The following RDH13 variants were observed in gnomAD, a reference collection of about 807,000 sequenced individuals.
RDH13 encodes retinol dehydrogenase 13 (all-trans and 9-cis).
In RDH13, 35 loss-of-function variants were observed where a neutral mutation model predicts 28.3. That is an observed-to-expected ratio of 1.24 (90% CI 0.95 to 1.64). The LOEUF is 1.64. Among genes scored for constraint, RDH13 ranks in the 40% most tolerant of loss-of-function variants. RDH13 has a pLI of 0.00. For missense variants in RDH13, 514 were observed against 446.3 expected, an observed-to-expected ratio of 1.15 and a Z score of -1.37; for synonymous variants, 229 against 198.5, an observed-to-expected ratio of 1.15 and a Z score of -1.29.
intron 5 of RDH13, chr19:55,047,934 T>A: frequency 1.4e-6 from 1 of 713,600 alleles, no homozygotes. Flanking sequence ...TGAGAGCATC[T>A]GGGCCTTTAC....
At chr19:55,058,159 C>G (rs531103459) in intron 2 of RDH13, among the ~76,000 whole-genome samples, 10 of 152,024 alleles carry the variant, frequency 6.6e-5, no homozygotes, top group South Asian at 6.2e-4. Context: ...CACCTGTAAT[C>G]CCAGCACTTT....
At chr19:55,056,985 C>T (rs1178036932) in intron 2 of RDH13, among the ~76,000 whole-genome samples, 177 bp from the exon 3 acceptor site, 1 of 152,084 alleles carries the variant, frequency 6.6e-6, no homozygotes, top group East Asian at 1.9e-4. Flanking sequence ...GAAGGGACAA[C>T]AAAATGTGGT....
chr19:55,063,300 G>A, upstream of RDH13: 1 of 383,460 alleles, frequency 2.6e-6, no homozygotes, highest in Non-Finnish European at 4.6e-6. Context: ...GGCGTGGCTA[G>A]TCCGGGGGCG....
In RDH13 at chr19:55,056,828, A is replaced by G; in HGVS notation, c.185-20T>C. On this transcript the variant is annotated intron_variant, in intron 2 of 6. Transcript: ENST00000415061. Reference sequence around the variant, plus strand: ...TGCCTCCTGAAAACCCAGGATGGAAAAAGATTTAAATTAATAATCCACTCC... The same window carrying G: ...TGCCTCCTGAAAACCCAGGATGGAAGAAGATTTAAATTAATAATCCACTCC... 1.2e-6 allele frequency: 2 copies of G among 1,604,068 alleles called. No individual in the cohort carries two copies. Among genetic ancestry groups the G allele is most frequent in the South Asian group, 1.1e-5 (1 of 90,052 alleles).
Position 55,048,603 on chromosome 19 carries a change from A to T in RDH13, c.445+56T>A, listed in dbSNP as rs2075321351. The stretch of plus-strand genomic sequence containing the variant: ...ACACCTAAAATCCCAGCACTTTGGG[A>T]GGACGACGGGGGAGGATCGCTTGAA... On this transcript the variant is annotated intron_variant, in intron 4 of 6. Transcript: ENST00000415061. 3.8e-5 allele frequency: 61 copies of T among 1,610,770 alleles called. No homozygotes were observed. The South Asian group carries it at 6.4e-4, about 17-fold the overall frequency.
At chr19:55,052,566 C>G in intron 3 of RDH13, among the ~76,000 whole-genome samples, 1 of 151,082 alleles carries the variant, frequency 6.6e-6, no homozygotes. Flanking sequence ...AAAAATCCCT[C>G]ACTGCAGCCT....
At chr19:55,069,085 C>T (rs971702786) in intron 1 of RDH13, among the ~76,000 whole-genome samples, 4 of 147,344 alleles carry the variant, frequency 2.7e-5, no homozygotes, top group East Asian at 4.1e-4. Context: ...CCCCCCGCCC[C>T]GACCCATCCC....
upstream of RDH13, among the ~76,000 whole-genome samples, chr19:55,065,227 A>G (rs1262438810): frequency 6.6e-6 from 1 of 151,320 alleles, no homozygotes; most frequent in Non-Finnish European, 1.5e-5. Flanking sequence ...TCTACAAAAA[A>G]TACAAAAATT....
chr19:55,058,216 A>G (rs903413665), intron 2 of RDH13, among the ~76,000 whole-genome samples: 11 of 152,044 alleles, frequency 7.2e-5, no homozygotes, highest in Middle Eastern at 3.4e-3. Flanking sequence ...GTTCAAGACC[A>G]GCCTGGCCAA....
intron 1 of RDH13, among the ~76,000 whole-genome samples, chr19:55,062,276 G>C (rs1019584554): frequency 6.6e-6 from 1 of 152,200 alleles, no homozygotes; most frequent in Non-Finnish European, 1.5e-5. Context: ...CTGGCAACAA[G>C]ATAGTGTCCA....
chr19:55,051,804 C>G (rs2075448034), intron 3 of RDH13, among the ~76,000 whole-genome samples: 1 of 151,678 alleles, frequency 6.6e-6, no homozygotes, highest in Admixed American at 6.6e-5. Flanking sequence ...GCGATCTCAG[C>G]TCACAGCAAC....
intron 1 of RDH13, chr19:55,069,305 G>A (rs963151872): frequency 2.7e-5 from 4 of 148,514 alleles, no homozygotes; most frequent in Admixed American, 2.0e-4. Flanking sequence ...TCAGAGGAAC[G>A]CCCAGGAAAA....
At chr19:55,063,455 C>T (rs11669039), upstream of RDH13, 19,422 of 195,138 alleles carry the variant, frequency 0.1, 1,126 homozygotes, top group Non-Finnish European at 0.13. Flanking sequence ...TCAGCCTATT[C>T]CCTCATCTGG....
Position 55,048,772 on chromosome 19 carries a change from G to C in RDH13, c.341-9C>G, listed in dbSNP as rs1370020331. The C allele has an allele frequency of 3.7e-6, 6 of 1,611,314 alleles. No homozygotes were observed. Among genetic ancestry groups the C allele is most frequent in the Middle Eastern group, 1.6e-4 (1 of 6,080 alleles). On this transcript the variant is annotated splice_polypyrimidine_tract_variant and intron_variant, in intron 3 of 6. Transcript: ENST00000415061. ...GTCCACTCGCTCCTCCTCTGGAAGA[G>C]AGGGGTGGAGGAGGAGACATCCCGG...
intron 1 of RDH13, among the ~76,000 whole-genome samples, chr19:55,061,856 G>A (rs1347286501): frequency 1.3e-5 from 2 of 149,828 alleles, no homozygotes; most frequent in African/African-American, 4.9e-5. Flanking sequence ...GGTGGCTCAC[G>A]CCTGTAACCC....
In RDH13 at chr19:55,057,811, TTA is replaced by T. The variant is rs1343307817; in HGVS notation, c.185-1005_185-1004del. On this transcript the variant is annotated intron_variant, in intron 2 of 6. Transcript: ENST00000415061. ...AACCCCCTTTTCTTTTTGTTTATTA[TTA>T]TTTTTTTTTTTTTGAGTCAGTCTCA... is the stretch of plus-strand genomic sequence containing the variant. Among the ~76,000 whole-genome samples the T allele has an allele frequency of 7.4e-5, 6 of 80,788 alleles. No homozygotes were observed. The East Asian group carries it at 1.6e-3, about 22-fold the overall frequency. 53.0% of individuals were successfully genotyped at this position (80,788 alleles called of 152,430 possible). A position where few individuals can be genotyped will look rare whatever the true frequency, so the allele number is the denominator to read the frequency against.
chr19:55,051,715 A>T (rs1602738961), intron 3 of RDH13, among the ~76,000 whole-genome samples: 1 of 146,522 alleles, frequency 6.8e-6, no homozygotes, highest in Non-Finnish European at 1.5e-5. Flanking sequence ...GGTGTGAGCC[A>T]CCGCGCCCAG....
chr19:55,050,489 T>C (rs2075393112), intron 3 of RDH13, among the ~76,000 whole-genome samples: 1 of 152,046 alleles, frequency 6.6e-6, no homozygotes, highest in African/African-American at 2.4e-5. Flanking sequence ...AGTGGCGCAA[T>C]CACTGCTCAC....
chr19:55,049,964 C>CTT (rs142472234), intron 3 of RDH13, among the ~76,000 whole-genome samples: 19,057 of 141,772 alleles, frequency 0.13, 1,496 homozygotes, highest in Middle Eastern at 0.3. Context: ...GGAGCTGTCT[C>CTT]TTTTTTTTTT....
Sources: allele counts gnomAD v4.1 joint callset (sites outside exome capture counted in the v4.1 genomes callset), GRCh38; gene constraint gnomAD v4.1.1; transcripts MANE v1.5; gene names NCBI Gene and HGNC (gene_info 2026-07-23, HGNC 2026-07-21).